The following DTNA variants were observed in gnomAD, a reference collection of about 807,000 sequenced individuals.
The protein encoded by DTNA is dystrophin-related protein 3.
DTNA carries 43 observed loss-of-function variants against 100.7 expected under a neutral mutation model. That is an observed-to-expected ratio of 0.43 (90% CI 0.33 to 0.55). The LOEUF is 0.55. Ranked by LOEUF, DTNA falls within the 20% of genes least tolerant of loss-of-function variation. The pLI, the probability that DTNA is intolerant of heterozygous loss-of-function variation, is 0.04. For missense variants in DTNA, 798 were observed against 953.9 expected (o/e 0.84, Z 2.15); for synonymous variants, 349 against 347.9 (o/e 1.00, Z -0.04).
intron 9 of DTNA, among the ~76,000 whole-genome samples, chr18:34,826,339 A>G (rs551181083): frequency 6.6e-6 from 1 of 152,242 alleles, no homozygotes; most frequent in Admixed American, 6.5e-5. Flanking sequence ...CTCGAGCAGT[A>G]TACACTGTAC....
intron 1 of DTNA, among the ~76,000 whole-genome samples, chr18:34,752,780 T>C (rs1459350574): frequency 2.6e-5 from 4 of 152,222 alleles, no homozygotes; most frequent in Non-Finnish European, 4.4e-5. Flanking sequence ...CTAATGATGG[T>C]TCTTTTACAA....
intron 1 of DTNA, among the ~76,000 whole-genome samples, chr18:34,504,717 C>T (rs112833618): frequency 6.6e-6 from 1 of 152,106 alleles, no homozygotes; most frequent in Non-Finnish European, 1.5e-5. Flanking sequence ...AATGGATTTT[C>T]TTCTTTGGTA....
intron 1 of DTNA, among the ~76,000 whole-genome samples, chr18:34,736,379 G>A (rs548909686): frequency 5.3e-5 from 8 of 152,124 alleles, no homozygotes; most frequent in South Asian, 2.1e-4. Context: ...GAATAAATCC[G>A]CTCATGCAAA....
chr18:34,795,626 T>A (rs772233154), intron 4 of DTNA, among the ~76,000 whole-genome samples: 39 of 152,152 alleles, frequency 2.6e-4, no homozygotes, highest in Non-Finnish European at 4.7e-4. Flanking sequence ...GCTTTCAGAT[T>A]TGCCCCTAAA....
At chr18:34,866,680 C>T (rs1222700701) in intron 17 of DTNA, 6 of 997,640 alleles carry the variant, frequency 6.0e-6, no homozygotes, top group South Asian at 4.4e-5. Flanking sequence ...CCCCATGGCT[C>T]ACCAAAATGT....
intron 1 of DTNA, among the ~76,000 whole-genome samples, chr18:34,534,960 C>T (rs1212812323): frequency 6.6e-6 from 1 of 152,120 alleles, no homozygotes; most frequent in East Asian, 1.9e-4. Flanking sequence ...CATATGTGTG[C>T]ATGTGTCTTT....
chr18:34,825,162 T>C, intron 9 of DTNA: 4 of 1,439,724 alleles, frequency 2.8e-6, no homozygotes, highest in Non-Finnish European at 3.9e-6. Flanking sequence ...AATGAGCAGG[T>C]GGTGACATTT....
intron 1 of DTNA, among the ~76,000 whole-genome samples, chr18:34,656,720 TA>T (rs1159022092): frequency 6.6e-6 from 1 of 152,224 alleles, no homozygotes; most frequent in African/African-American, 2.4e-5. Context: ...TTCTTCATTA[TA>T]AAAACTGAAA....
chr18:34,649,048 C>A (rs1242386040), intron 1 of DTNA, among the ~76,000 whole-genome samples: 1 of 152,124 alleles, frequency 6.6e-6, no homozygotes, highest in African/African-American at 2.4e-5. Context: ...TTTCGGAGAC[C>A]ATTCTAATGA....
chr18:34,867,791 G>GGT, intron 17 of DTNA: 1 of 985,456 alleles, frequency 1.0e-6, no homozygotes, highest in Non-Finnish European at 1.2e-6. Flanking sequence ...GTGCCCCCAA[G>GGT]GTGGCGCCAC....
intron 1 of DTNA, among the ~76,000 whole-genome samples, chr18:34,689,241 C>T (rs1471323386): frequency 6.6e-6 from 1 of 152,162 alleles, no homozygotes; most frequent in African/African-American, 2.4e-5. Context: ...TTGGAATTTT[C>T]AGCCTTTTTG....
upstream of DTNA, among the ~76,000 whole-genome samples, chr18:34,707,127 G>A (rs543253855): frequency 7.2e-5 from 11 of 152,114 alleles, no homozygotes; most frequent in South Asian, 8.3e-4. Flanking sequence ...TAATTTAAGC[G>A]CGTGACTTCT....
At chr18:34,694,049 G>A (rs2080171890) in intron 1 of DTNA, among the ~76,000 whole-genome samples, 2 of 151,984 alleles carry the variant, frequency 1.3e-5, no homozygotes, top group African/African-American at 4.8e-5. Flanking sequence ...CATTTCAGAA[G>A]TGGAAAATAA....
At chr18:34,660,359 C>T (rs946857268) in intron 1 of DTNA, among the ~76,000 whole-genome samples, 1 of 151,156 alleles carries the variant, frequency 6.6e-6, no homozygotes, top group Non-Finnish European at 1.5e-5. Flanking sequence ...AAACAGAGAT[C>T]TTAAGACTTT....
At chr18:34,644,686 AAAG>A (rs1310587887) in intron 1 of DTNA, among the ~76,000 whole-genome samples, 1 of 152,156 alleles carries the variant, frequency 6.6e-6, no homozygotes, top group East Asian at 1.9e-4. Context: ...TTTTTGAGCA[AAAG>A]AAGAACATAT....
chr18:34,747,926 G>C (rs934334631), intron 1 of DTNA, among the ~76,000 whole-genome samples: 12 of 152,098 alleles, frequency 7.9e-5, no homozygotes, highest in Non-Finnish European at 1.8e-4. Context: ...TACATTCCCA[G>C]CAGCAGTGTA....
chr18:34,557,347 T>C (rs1338315529), intron 1 of DTNA, among the ~76,000 whole-genome samples: 1 of 150,046 alleles, frequency 6.7e-6, no homozygotes, highest in Non-Finnish European at 1.5e-5. Flanking sequence ...TTTGATCGTC[T>C]GAAGCCTTCT....
intron 1 of DTNA, among the ~76,000 whole-genome samples, chr18:34,715,308 C>T (rs896532944): frequency 6.6e-6 from 1 of 151,940 alleles, no homozygotes; most frequent in Non-Finnish European, 1.5e-5. Flanking sequence ...TAGGAAAGAA[C>T]AATTAGTTAT....
chr18:34,832,638 T>C (rs1041949611), intron 11 of DTNA, among the ~76,000 whole-genome samples: 17 of 152,196 alleles, frequency 1.1e-4, no homozygotes, highest in Admixed American at 3.3e-4. Flanking sequence ...CTGTTTGAGA[T>C]GGTTGAACTT....
Sources: allele counts gnomAD v4.1 joint callset (sites outside exome capture counted in the v4.1 genomes callset), GRCh38; gene constraint gnomAD v4.1.1; transcripts MANE v1.5; gene names NCBI Gene and HGNC (gene_info 2026-07-23, HGNC 2026-07-21).